TRAPPC8: variants seen among roughly 807,000 people sequenced by gnomAD.
The protein encoded by TRAPPC8 is trafficking protein particle complex subunit 8.
TRAPPC8 carries 54 observed loss-of-function variants against 174.3 expected under a neutral mutation model. That is an observed-to-expected ratio of 0.31 (90% CI 0.25 to 0.39). The LOEUF is 0.39. Ranked by LOEUF, TRAPPC8 falls within the 10% of genes least tolerant of loss-of-function variation. The pLI, the probability that TRAPPC8 is intolerant of heterozygous loss-of-function variation, is 1.00. For synonymous variants in TRAPPC8, 630 were observed against 579.9 expected (o/e 1.09, Z -1.24); for missense variants, 1,531 against 1,699.1 (o/e 0.90, Z 1.74).
chr18:31,857,473 G>GT, intron 20 of TRAPPC8, 67 bp downstream of exon 20: 1 of 1,260,920 alleles, frequency 7.9e-7, no homozygotes, highest in East Asian at 2.5e-5. Flanking sequence ...ATATCAAAAT[G>GT]TTTATCTGAA....
chr18:31,875,168 T>C lies in TRAPPC8; in HGVS notation c.1729-464A>G, dbSNP rs112473361. ...GAAAAAAATGTTCTCATACTTTAACTAGAAGCATGCTATGTCTACAAAGAG... is the reference window on the plus strand; with the variant it reads ...GAAAAAAATGTTCTCATACTTTAACCAGAAGCATGCTATGTCTACAAAGAG... On this transcript the variant is annotated intron_variant, in intron 12 of 28. Coordinates refer to ENST00000283351, the MANE Select transcript of TRAPPC8 (RefSeq NM_014939.5). 5.9e-3 allele frequency among the ~76,000 whole-genome samples: 897 copies of C among 152,238 alleles called. 7 individuals are homozygous for C. The highest frequency in any genetic ancestry group is 0.02 in the African/African-American group (845 of 41,560).
chr18:31,892,855 G>A (rs923867147), intron 11 of TRAPPC8, among the ~76,000 whole-genome samples: 6 of 150,272 alleles, frequency 4.0e-5, no homozygotes, highest in Non-Finnish European at 8.8e-5. Flanking sequence ...AGAGACCCCT[G>A]TCTCTACAAA....
intron 20 of TRAPPC8, among the ~76,000 whole-genome samples, chr18:31,857,085 C>G (rs1311781186): frequency 1.3e-5 from 2 of 152,168 alleles, no homozygotes; most frequent in African/African-American, 4.8e-5. Flanking sequence ...TTATAATCTT[C>G]TCTTCTGTAA....
chr18:31,857,157 C>CA (rs746162266), intron 20 of TRAPPC8, among the ~76,000 whole-genome samples: 14 of 152,006 alleles, frequency 9.2e-5, no homozygotes, highest in Non-Finnish European at 1.5e-4. Flanking sequence ...AAAGGTAAAA[C>CA]AAAACAATTT....
At chr18:31,872,440 C>T (rs1216867856) in intron 14 of TRAPPC8, among the ~76,000 whole-genome samples, 1 of 151,846 alleles carries the variant, frequency 6.6e-6, no homozygotes, top group Non-Finnish European at 1.5e-5. Flanking sequence ...CATCACAATA[C>T]GATTTTTTTT....
At chr18:31,914,246 C>A (rs1227303518) in intron 4 of TRAPPC8, among the ~76,000 whole-genome samples, 1 of 146,002 alleles carries the variant, frequency 6.8e-6, no homozygotes, top group Admixed American at 6.8e-5. Flanking sequence ...TAGCAAACAA[C>A]AAAATGATAT....
chr18:31,920,852 A>C (rs1427229036), intron 2 of TRAPPC8, among the ~76,000 whole-genome samples: 1 of 151,594 alleles, frequency 6.6e-6, no homozygotes, highest in Non-Finnish European at 1.5e-5. Context: ...GAGGCAGGAC[A>C]ATCGCTTGAA....
intron 14 of TRAPPC8, among the ~76,000 whole-genome samples, chr18:31,871,653 G>A (rs7228390): frequency 6.6e-6 from 1 of 151,968 alleles, no homozygotes; most frequent in Non-Finnish European, 1.5e-5. Flanking sequence ...CATAAAATTA[G>A]TTTTTATGTT....
intron 19 of TRAPPC8, among the ~76,000 whole-genome samples, chr18:31,863,051 C>CAAAA (rs35944569): frequency 1.8e-5 from 2 of 113,784 alleles, no homozygotes; most frequent in African/African-American, 3.4e-5. Context: ...GACTAGGTCT[C>CAAAA]AAAAAAAAAA....
chr18:31,915,678 C>T lies in TRAPPC8; in HGVS notation c.617+594G>A, dbSNP rs539243641. Among the ~76,000 whole-genome samples, 28 of 151,978 alleles carry T rather than the reference C, an allele frequency of 1.8e-4. No homozygotes were observed. In the South Asian group the frequency reaches 5.4e-3, roughly 29 times the overall value. On this transcript the variant is annotated intron_variant, in intron 4 of 28. Transcript: ENST00000283351. Reference sequence around the variant, plus strand: ...TTGAGAGGCCCAGGCAGGCGGATCACGAGGTCAGGAGATCGAGACCATGGT... The same window carrying T: ...TTGAGAGGCCCAGGCAGGCGGATCATGAGGTCAGGAGATCGAGACCATGGT...
chr18:31,850,679 A>T (rs1288920078), intron 24 of TRAPPC8, among the ~76,000 whole-genome samples: 2 of 152,294 alleles, frequency 1.3e-5, no homozygotes, highest in East Asian at 3.9e-4. Flanking sequence ...GAATATATAC[A>T]TTTTCTCCTT....
At chr18:31,895,227 T>A (rs2036135015) in intron 11 of TRAPPC8, among the ~76,000 whole-genome samples, 1 of 152,186 alleles carries the variant, frequency 6.6e-6, no homozygotes, top group South Asian at 2.1e-4. Context: ...CCAGTGTACA[T>A]CTCTTGATAT....
chr18:31,861,935 A>AGGGGGG (rs1478982235), intron 19 of TRAPPC8, among the ~76,000 whole-genome samples: 14 of 46,222 alleles, frequency 3.0e-4, no homozygotes, highest in African/African-American at 6.8e-4. Flanking sequence ...GAAAAAAAAA[A>AGGGGGG]AGGGGGGGGG....
chr18:31,890,993 G>A, intron 11 of TRAPPC8, 127 bp from the exon 12 acceptor site: 2 of 796,206 alleles, frequency 2.5e-6, no homozygotes, highest in South Asian at 3.0e-5. Flanking sequence ...AGTATATGAG[G>A]GCAAAGATCA....
At chr18:31,831,372 C>T (rs927942661) in intron 28 of TRAPPC8, among the ~76,000 whole-genome samples, 1 of 152,094 alleles carries the variant, frequency 6.6e-6, no homozygotes, top group African/African-American at 2.4e-5. Flanking sequence ...ACATCCCTTT[C>T]ATCTAACAAT....
In TRAPPC8 at chr18:31,908,211, T is replaced by G. The variant is rs116698940; in HGVS notation, c.1238+92A>C. 1.9e-3 allele frequency: 1,236 copies of G among 642,372 alleles called. 14 individuals are homozygous for G. The African/African-American group carries it at 0.021, about 11-fold the overall frequency. 39.8% of individuals were successfully genotyped at this position (642,372 alleles called of 1,614,324 possible). Reference sequence around the variant, plus strand: ...TTTCACCAATAAGAAACTAAGAAATTAAAGAGATAGTTATCTTCTGCAGGA... The same window carrying G: ...TTTCACCAATAAGAAACTAAGAAATGAAAGAGATAGTTATCTTCTGCAGGA... On this transcript the variant is annotated intron_variant, in intron 8 of 28. Coordinates refer to ENST00000283351, the MANE Select transcript of TRAPPC8 (RefSeq NM_014939.5).
intron 22 of TRAPPC8, 163 bp from the exon 23 acceptor site, chr18:31,852,826 T>A: frequency 1.6e-6 from 1 of 627,376 alleles, no homozygotes; most frequent in Non-Finnish European, 2.7e-6. Flanking sequence ...AATGACCTCT[T>A]AAAAAGGATA....
intron 16 of TRAPPC8, among the ~76,000 whole-genome samples, chr18:31,867,836 G>A (rs746584896): frequency 3.3e-5 from 5 of 151,902 alleles, no homozygotes; most frequent in African/African-American, 7.3e-5. Context: ...TCAAGATGGC[G>A]CCACTGCACT....
At chr18:31,833,971 G>A (rs1416237576) in intron 27 of TRAPPC8, among the ~76,000 whole-genome samples, 1 of 138,932 alleles carries the variant, frequency 7.2e-6, no homozygotes, top group African/African-American at 2.8e-5. Flanking sequence ...CACTGCACTC[G>A]AGCCTGGGTG....
Sources: allele counts gnomAD v4.1 joint callset (sites outside exome capture counted in the v4.1 genomes callset), GRCh38; gene constraint gnomAD v4.1.1; transcripts MANE v1.5; gene names NCBI Gene and HGNC (gene_info 2026-07-23, HGNC 2026-07-21).